CCDC180: variants seen among roughly 807,000 people sequenced by gnomAD.
CCDC180 encodes the protein coiled-coil domain-containing protein 180.
Under a neutral mutation model 209.2 loss-of-function variants are expected in CCDC180, and 154 were observed. The ratio of observed to expected loss-of-function variants is 0.74; its 90% CI spans 0.65 to 0.84. CCDC180 has a LOEUF of 0.84. Ranked by LOEUF, CCDC180 falls within the 40% of genes least tolerant of loss-of-function variation. The probability of loss-of-function intolerance (pLI) is 0.00; values close to 1 mark genes in which losing one functional copy is unlikely to be tolerated. For synonymous variants in CCDC180, 778 were observed against 749.1 expected (o/e 1.04, Z -0.63); for missense variants, 1,874 against 1,997.3 (o/e 0.94, Z 1.18).
At position 97,377,004 on chromosome 9, in the gene CCDC180, T is replaced by G; in HGVS notation, c.*110T>G. On this transcript the variant is annotated 3_prime_UTR_variant, in exon 37 of 37. Transcript: ENST00000529487. ...CTCCCTCCCTTCATCCCTCCACCCC[T>G]GCTCTGTGCCGGGCACTGTAGCTTT... 6 of 1,279,218 alleles carry G rather than the reference T, an allele frequency of 4.7e-6. No individual in the cohort carries two copies. The highest frequency in any genetic ancestry group is 5.4e-6 in the Non-Finnish European group (5 of 934,354). The allele number at this position is 1,279,218 out of a possible 1,614,324, so 79.2% of individuals were successfully genotyped here. A position where few individuals can be genotyped will look rare whatever the true frequency, so the allele number is the denominator to read the frequency against.
At position 97,311,939 on chromosome 9, in the gene CCDC180, C is replaced by T. The variant is rs560353403; in HGVS notation, c.261-174C>T. Among the ~76,000 whole-genome samples, 85 of 152,242 alleles carry T rather than the reference C, an allele frequency of 5.6e-4. 2 individuals carry two copies. In the South Asian group the frequency reaches 0.012, roughly 22 times the overall value. Reference sequence around the variant, plus strand: ...TCTGTTGGCAGGGAACCCCAGGCGGCGTTTGTTGGGAGCCTGGGCACTGCC... The same window carrying T: ...TCTGTTGGCAGGGAACCCCAGGCGGTGTTTGTTGGGAGCCTGGGCACTGCC... On this transcript the variant is annotated intron_variant, in intron 3 of 36. Transcript: ENST00000529487.
chr9:97,320,135 G>GC lies in CCDC180; in HGVS notation c.1095dup (p.Ser366GlnfsTer9), dbSNP rs1833309018. The GC allele has an allele frequency of 6.2e-7, 1 of 1,614,020 alleles. No homozygotes were observed. On this transcript the variant is annotated frameshift_variant, in exon 11 of 37. Coordinates refer to ENST00000529487, the MANE Select transcript of CCDC180 (RefSeq NM_020893.6). LOFTEE classifies it high-confidence loss of function. Reference sequence around the variant, plus strand: ...GTATCTTCCTTCCCAGTGACCTCCTGCCCCCCAGTTACAGCAAAACTCAGC... The same window carrying GC: ...GTATCTTCCTTCCCAGTGACCTCCTGCCCCCCCAGTTACAGCAAAACTCAGC...
Position 97,376,819 on chromosome 9 carries a change from T to C in CCDC180, c.4899T>C (p.Ser1633=). 6.2e-7 allele frequency: 1 copy of C among 1,613,534 alleles called. No individual in the cohort carries two copies. Among genetic ancestry groups the C allele is most frequent in the Admixed American group, 1.7e-5 (1 of 60,012 alleles). Residue 1633 remains serine (S), a synonymous_variant, in exon 37 of 37, where the codon TCT becomes TCC. Transcript: ENST00000529487. ...AGAGGATCCAGGATGACTGTACATC[T>C]CAGATAAAGGAGGCTCAGCGCTGGA... The part of the protein sequence containing the change: ...ELKRIQDDCT[S]QIKEAQRWKD...
chr9:97,364,056 C>T lies in CCDC180; in HGVS notation c.3908C>T (p.Thr1303Ile), dbSNP rs1826844871. The stretch of plus-strand genomic sequence containing the variant: ...CACCCACCTTTGTCCCACAGCTTCA[C>T]ACCGCACCCCAAGCCCAACAAAATG... ...SASATSAGSF[T>I]PHPKPNKMER... Residue 1303 changes from threonine (T) to isoleucine (I), a missense_variant, in exon 29 of 37, where the codon ACA becomes ATA. Coordinates refer to ENST00000529487, the MANE Select transcript of CCDC180 (RefSeq NM_020893.6). The T allele has an allele frequency of 6.2e-7, 1 of 1,614,034 alleles. No homozygotes were observed. Among genetic ancestry groups the T allele is most frequent in the South Asian group, 1.1e-5 (1 of 91,070 alleles).
chr9:97,350,654 G>A (rs560511051), intron 22 of CCDC180, 99 bp downstream of exon 22: 66 of 1,278,806 alleles, frequency 5.2e-5, no homozygotes, highest in African/African-American at 2.5e-4. Context: ...CAAAATAAAC[G>A]TAACATCAAA....
Position 97,357,711 on chromosome 9 carries a change from A to C in CCDC180, c.3349A>C (p.Arg1117=). ...QNKIKTCQES[R]GEKTTVTTEE... ...CAAGATAAAAACTTGTCAAGAGTCC[A>C]GGGGAGAGAAAACCGTAAGTGTTCA... is the stretch of plus-strand genomic sequence containing the variant. Residue 1117 remains arginine, a synonymous_variant, in exon 25 of 37, where the codon AGG becomes CGG. Transcript: ENST00000529487. 4 of 1,609,770 alleles carry C rather than the reference A, an allele frequency of 2.5e-6. No homozygotes were observed. In the South Asian group the frequency reaches 4.4e-5, roughly 18 times the overall value.
At chr9:97,365,400 A>G (rs902920729) in intron 29 of CCDC180, 3 of 410,578 alleles carry the variant, frequency 7.3e-6, no homozygotes, top group Non-Finnish European at 1.4e-5. Flanking sequence ...CTGAGGGGGC[A>G]TTAATCCAAG....
At chr9:97,318,358 G>C (rs573980978) in intron 9 of CCDC180, 105 bp from the exon 10 acceptor site, 2 of 1,378,748 alleles carry the variant, frequency 1.5e-6, no homozygotes, top group South Asian at 2.6e-5. Flanking sequence ...TGTTAGGGAA[G>C]GAGTGCTGAG....
chr9:97,313,150 C>A, intron 4 of CCDC180, 86 bp from the exon 5 acceptor site: 2 of 821,094 alleles, frequency 2.4e-6, no homozygotes, highest in Non-Finnish European at 4.2e-6. Context: ...CTGAGCCAGG[C>A]CTCAGTGTGC....
intron 9 of CCDC180, among the ~76,000 whole-genome samples, 180 bp downstream of exon 9, chr9:97,317,408 C>T (rs754779951): frequency 7.2e-5 from 11 of 152,198 alleles, no homozygotes; most frequent in Non-Finnish European, 1.2e-4. Flanking sequence ...ACTAATCTCT[C>T]CCCACAGTGA....
chr9:97,363,768 G>A, intron 28 of CCDC180: 2 of 545,906 alleles, frequency 3.7e-6, no homozygotes, highest in Non-Finnish European at 3.5e-6. Flanking sequence ...GGGGAAGCAG[G>A]AATGCAAATT....
chr9:97,363,337 A>T (rs1000007344), intron 28 of CCDC180, among the ~76,000 whole-genome samples: 11 of 152,202 alleles, frequency 7.2e-5, no homozygotes, highest in Non-Finnish European at 1.6e-4. Flanking sequence ...CCCAAAGATG[A>T]CAATCTCACT....
At chr9:97,364,432 A>G in intron 29 of CCDC180, 1 of 334,586 alleles carries the variant, frequency 3.0e-6, no homozygotes, top group Non-Finnish European at 5.5e-6. Flanking sequence ...GCTTTCCCCC[A>G]TTTCTCTTTT....
chr9:97,323,660 G>A, intron 12 of CCDC180, 121 bp from the exon 13 acceptor site: 2 of 1,207,338 alleles, frequency 1.7e-6, no homozygotes, highest in East Asian at 2.7e-5. Context: ...TTCATGGGGT[G>A]CAGGGCCCTT....
In CCDC180 at chr9:97,320,062, T is replaced by G. The variant is rs1833304983; in HGVS notation, c.1080-64T>G. On this transcript the variant is annotated intron_variant, in intron 10 of 36. Coordinates refer to ENST00000529487, the MANE Select transcript of CCDC180 (RefSeq NM_020893.6). ...CTGGAGCTATGTTCCTTGAAGATGC[T>G]ACCCATTTTGGTGAGTAAACGGTTT... 9 of 1,212,244 alleles carry G rather than the reference T, an allele frequency of 7.4e-6. No individual in the cohort carries two copies. In the East Asian group the frequency reaches 2.1e-4, roughly 28 times the overall value. The allele number at this position is 1,212,244 out of a possible 1,614,324, so 75.1% of individuals were successfully genotyped here. A position where few individuals can be genotyped will look rare whatever the true frequency, so the allele number is the denominator to read the frequency against.
In CCDC180 at chr9:97,318,595, G is replaced by A. The variant is rs769533104; in HGVS notation, c.1079+13G>A. ...TCTGCACCATCTGGTATGGGCAGGA[G>A]GGGCGGCCCAGGAGGGGTGCTTCTT... On this transcript the variant is annotated intron_variant, in intron 10 of 36. Coordinates refer to ENST00000529487, the MANE Select transcript of CCDC180 (RefSeq NM_020893.6). The A allele has an allele frequency of 6.2e-7, 1 of 1,610,674 alleles. No homozygotes were observed. The highest frequency in any genetic ancestry group is 8.5e-7 in the Non-Finnish European group (1 of 1,179,182).
chr9:97,309,012 C>G (rs1832893909), intron 2 of CCDC180, among the ~76,000 whole-genome samples: 1 of 152,186 alleles, frequency 6.6e-6, no homozygotes, highest in South Asian at 2.1e-4. Flanking sequence ...CATATATCAT[C>G]TCCTAAGCAT....
chr9:97,357,610 A>T lies in CCDC180; in HGVS notation c.3265-17A>T, dbSNP rs573850604. On this transcript the variant is annotated splice_polypyrimidine_tract_variant and intron_variant, in intron 24 of 36. Transcript: ENST00000529487. ...ATGTATTCTAGAAACAAAATCTCGGAACCTCTGGTTTTCTAGGTGGCAAAA... is the reference window on the plus strand; with the variant it reads ...ATGTATTCTAGAAACAAAATCTCGGTACCTCTGGTTTTCTAGGTGGCAAAA... The T allele has an allele frequency of 7.6e-6, 12 of 1,571,428 alleles. No individual in the cohort carries two copies. The East Asian group carries it at 2.5e-4, about 32-fold the overall frequency.
At chr9:97,348,814 C>T (rs928690160) in intron 20 of CCDC180, among the ~76,000 whole-genome samples, 32 of 152,296 alleles carry the variant, frequency 2.1e-4, no homozygotes, top group African/African-American at 7.5e-4. Context: ...TCCCCAACAC[C>T]CCCTGCCCAT....
Sources: gnomAD v4.1 joint callset for allele counts (sites outside exome capture counted in the v4.1 genomes callset) on GRCh38, gnomAD v4.1.1 for gene constraint, MANE v1.5 for transcripts, NCBI Gene and HGNC (gene_info 2026-07-23, HGNC 2026-07-21) for gene names.